RFC3: variants seen among roughly 807,000 people sequenced by gnomAD.
RFC3 encodes A1 38 kDa subunit.
Under a neutral mutation model 45.1 loss-of-function variants are expected in RFC3, and 41 were observed. The observed-to-expected ratio is 0.91, with a 90% CI of 0.71 to 1.18. The LOEUF (loss-of-function observed/expected upper bound fraction) is 1.18. Ranked by LOEUF, RFC3 falls within the 50% of genes most tolerant of loss-of-function variation. The pLI, the probability that RFC3 is intolerant of heterozygous loss-of-function variation, is 0.00. For synonymous variants in RFC3, 149 were observed against 144.0 expected (o/e 1.03, Z -0.25); for missense variants, 423 against 428.1 (o/e 0.99, Z 0.10).
chr13:33,876,862 G>C (rs2082450500), intron 8 of RFC3, among the ~76,000 whole-genome samples: 2 of 152,164 alleles, frequency 1.3e-5, no homozygotes. Flanking sequence ...TGTTCTCTCT[G>C]AGCTCCCAAA....
chr13:33,962,930 A>G (rs1430417082), intron 8 of RFC3, among the ~76,000 whole-genome samples: 1 of 152,154 alleles, frequency 6.6e-6, no homozygotes, highest in Non-Finnish European at 1.5e-5. Flanking sequence ...CTAATAGAAC[A>G]TTTTTGTGAA....
chr13:33,935,667 A>G (rs556532241), intron 8 of RFC3, among the ~76,000 whole-genome samples: 4 of 152,298 alleles, frequency 2.6e-5, no homozygotes, highest in South Asian at 2.1e-4. Flanking sequence ...AAGAGGTAAT[A>G]TAAAACCTTG....
At chr13:33,821,465 A>G (rs999272871) in intron 2 of RFC3, among the ~76,000 whole-genome samples, 196 bp downstream of exon 2, 4 of 152,324 alleles carry the variant, frequency 2.6e-5, no homozygotes, top group Non-Finnish European at 4.4e-5. Flanking sequence ...TATGTTAGAT[A>G]GGAAATAAGA....
chr13:33,834,298 G>GTATATATATATATATATATATATATA (rs58858615), intron 7 of RFC3, among the ~76,000 whole-genome samples: 3 of 109,220 alleles, frequency 2.7e-5, no homozygotes, highest in African/African-American at 1.2e-4. Context: ...TGTACTGTGT[G>GTATATATATATATATATATATATATA]TATATATATA....
intron 8 of RFC3, among the ~76,000 whole-genome samples, chr13:33,863,474 C>G (rs1048555248): frequency 1.3e-5 from 2 of 152,142 alleles, no homozygotes; most frequent in Non-Finnish European, 2.9e-5. Context: ...CTGAGTGGAG[C>G]CATATGTTCT....
At chr13:33,946,052 C>T (rs2082952397) in intron 8 of RFC3, among the ~76,000 whole-genome samples, 1 of 152,208 alleles carries the variant, frequency 6.6e-6, no homozygotes, top group African/African-American at 2.4e-5. Context: ...ATGGCTCTGA[C>T]TCTGGTTCTC....
the RFC3 span, among the ~76,000 whole-genome samples, chr13:33,973,516 G>A: frequency 6.6e-6 from 1 of 152,110 alleles, no homozygotes; most frequent in Non-Finnish European, 1.5e-5. Context: ...CACATTTTGT[G>A]GGAGATACTG....
chr13:33,851,279 T>C (rs1349443245), intron 8 of RFC3, among the ~76,000 whole-genome samples: 2 of 152,210 alleles, frequency 1.3e-5, no homozygotes, highest in Non-Finnish European at 2.9e-5. Flanking sequence ...TATAATATAG[T>C]TGACCCTTGA....
chr13:33,914,789 A>T (rs1287120761), intron 8 of RFC3, among the ~76,000 whole-genome samples: 2 of 152,162 alleles, frequency 1.3e-5, no homozygotes, highest in African/African-American at 4.8e-5. Context: ...ATCTGAACAA[A>T]ATTTATGATC....
At chr13:33,972,585 GTCCCTGTCACAATCTAT>G in the RFC3 span, among the ~76,000 whole-genome samples, 3 of 152,162 alleles carry the variant, frequency 2.0e-5, no homozygotes, top group Non-Finnish European at 4.4e-5. Flanking sequence ...ATGTTTGCAA[GTCCCTGTCACAATCTAT>G]TCACATTGTG....
At chr13:33,868,979 G>T (rs1230330923) in intron 8 of RFC3, among the ~76,000 whole-genome samples, 1 of 152,180 alleles carries the variant, frequency 6.6e-6, no homozygotes, top group Non-Finnish European at 1.5e-5. Context: ...AAGTGCTTCT[G>T]GGTGCTAGTT....
chr13:33,887,830 T>G (rs2137622108), intron 8 of RFC3, among the ~76,000 whole-genome samples: 3 of 152,038 alleles, frequency 2.0e-5, no homozygotes, highest in South Asian at 2.1e-4. Flanking sequence ...GGGATCCAGT[T>G]TCAGCTTTCT....
intron 8 of RFC3, among the ~76,000 whole-genome samples, chr13:33,868,927 G>A (rs1014295731): frequency 5.3e-5 from 8 of 152,200 alleles, no homozygotes; most frequent in Non-Finnish European, 1.0e-4. Context: ...CATTGCCTAG[G>A]CTTAAATATT....
At chr13:33,895,171 CT>C (rs2082589637) in intron 8 of RFC3, among the ~76,000 whole-genome samples, 1 of 152,166 alleles carries the variant, frequency 6.6e-6, no homozygotes, top group Non-Finnish European at 1.5e-5. Context: ...AACTACAAAG[CT>C]TCTGCCCAGT....
intron 8 of RFC3, among the ~76,000 whole-genome samples, chr13:33,936,329 T>A (rs1031074142): frequency 6.6e-6 from 1 of 152,128 alleles, no homozygotes; most frequent in Non-Finnish European, 1.5e-5. Context: ...GGGGTGGATT[T>A]GTATGGAGTA....
intron 8 of RFC3, among the ~76,000 whole-genome samples, chr13:33,920,229 G>A (rs1197681384): frequency 6.6e-6 from 1 of 152,062 alleles, no homozygotes; most frequent in Non-Finnish European, 1.5e-5. Context: ...CCTGGAAAGA[G>A]AATCTTCACA....
chr13:33,907,774 A>C (rs772892462), intron 8 of RFC3, among the ~76,000 whole-genome samples: 3 of 152,142 alleles, frequency 2.0e-5, no homozygotes, highest in Non-Finnish European at 4.4e-5. Flanking sequence ...AGTAATTTTC[A>C]AAATGAATAT....
chr13:33,887,391 G>A (rs1400015333), intron 8 of RFC3, among the ~76,000 whole-genome samples: 5 of 152,030 alleles, frequency 3.3e-5, no homozygotes, highest in African/African-American at 7.3e-5. Flanking sequence ...GCCAGTGATG[G>A]TGAGCATTTT....
At chr13:33,860,192 G>A (rs568472067) in intron 8 of RFC3, among the ~76,000 whole-genome samples, 158 of 152,118 alleles carry the variant, frequency 1.0e-3, no homozygotes, top group Non-Finnish European at 1.9e-3. Flanking sequence ...TCCACCTGTG[G>A]CATTTTGTTT....
Sources: gnomAD v4.1 joint callset for allele counts (sites outside exome capture counted in the v4.1 genomes callset) on GRCh38, gnomAD v4.1.1 for gene constraint, MANE v1.5 for transcripts, NCBI Gene and HGNC (gene_info 2026-07-23, HGNC 2026-07-21) for gene names.